Variants in NBAS observed in about 807,000 individuals in gnomAD.
NBAS encodes the protein NBAS subunit of NRZ tethering complex.
In NBAS, 219 loss-of-function variants were observed where a neutral mutation model predicts 302.5. The ratio of observed to expected loss-of-function variants is 0.72; its 90% confidence interval spans 0.65 to 0.81. The LOEUF (loss-of-function observed/expected upper bound fraction) is 0.81. Among genes scored for constraint, NBAS ranks in the 30% least tolerant of loss-of-function variants. The pLI, the probability that NBAS is intolerant of heterozygous loss-of-function variation, is 0.00. For synonymous variants in NBAS, 1,118 were observed against 1,021.6 expected, an observed-to-expected ratio of 1.09 and a Z score of -1.80; for missense variants, 2,932 against 2,841.6, an observed-to-expected ratio of 1.03 and a Z score of -0.72.
At chr2:15,402,537 A>C (rs1676205463) in intron 25 of NBAS, among the ~76,000 whole-genome samples, 2 of 148,530 alleles carry the variant, frequency 1.3e-5, no homozygotes, top group East Asian at 3.9e-4. Flanking sequence ...GTATCAGCTG[A>C]AAACAGATTC....
chr2:14,866,319 T>C, the NBAS span, among the ~76,000 whole-genome samples: 1 of 152,192 alleles, frequency 6.6e-6, no homozygotes, highest in Non-Finnish European at 1.5e-5. Context: ...CCAACCCATG[T>C]TCTCTAACCT....
chr2:15,175,936 C>T (rs894501792), intron 51 of NBAS, among the ~76,000 whole-genome samples: 1 of 152,160 alleles, frequency 6.6e-6, no homozygotes, highest in African/African-American at 2.4e-5. Flanking sequence ...CTTGGATCTG[C>T]ACACCATGCA....
intron 32 of NBAS, among the ~76,000 whole-genome samples, chr2:15,357,680 C>A (rs111902134): frequency 2.6e-5 from 4 of 152,252 alleles, no homozygotes; most frequent in African/African-American, 9.6e-5. Context: ...GGATCTCAAT[C>A]ACACAGATGA....
chr2:15,184,463 G>A (rs1485410238), intron 50 of NBAS, among the ~76,000 whole-genome samples: 1 of 151,738 alleles, frequency 6.6e-6, no homozygotes, highest in African/African-American at 2.4e-5. Context: ...CCACCGAGGG[G>A]CGATGGGCTA....
the NBAS span, among the ~76,000 whole-genome samples, chr2:15,017,789 A>G: frequency 6.6e-6 from 1 of 152,104 alleles, no homozygotes; most frequent in Non-Finnish European, 1.5e-5. Context: ...CTGTAGTTCC[A>G]CTACTGGGCA....
At position 15,511,304 on chromosome 2, in the gene NBAS, T is replaced by C. The variant is rs977117807; in HGVS notation, c.793A>G (p.Lys265Glu). ...GCAGAAAGGCCACAGCTAGAAGCTTTTGACATGCCTACTTCAGCAGTTTCA... is the reference window on the plus strand; with the variant it reads ...GCAGAAAGGCCACAGCTAGAAGCTTCTGACATGCCTACTTCAGCAGTTTCA... ...GCETAEVGMS[K>E]ASSCGLSAWR... Residue 265 changes from lysine to glutamate, a missense_variant, in exon 10 of 52, where the codon AAA (lysine) becomes GAA (glutamate). Coordinates refer to ENST00000281513, the MANE Select transcript of NBAS (RefSeq NM_015909.4). The C allele has an allele frequency of 1.9e-6, 3 of 1,614,116 alleles. 1 individual carries two copies. In the South Asian group the frequency reaches 3.3e-5, roughly 18 times the overall value.
the NBAS span, among the ~76,000 whole-genome samples, chr2:14,968,507 C>G: frequency 2.0e-5 from 3 of 152,080 alleles, no homozygotes; most frequent in Non-Finnish European, 4.4e-5. Context: ...GTGTGACCAC[C>G]ATGTGCTGTA....
intron 47 of NBAS, among the ~76,000 whole-genome samples, chr2:15,225,763 A>C (rs1022889612): frequency 1.6e-4 from 25 of 152,204 alleles, no homozygotes; most frequent in African/African-American, 6.0e-4. Context: ...ATTACCTGTT[A>C]TCTGAGTGAA....
chr2:15,149,113 G>A, the NBAS span, among the ~76,000 whole-genome samples: 5 of 152,296 alleles, frequency 3.3e-5, no homozygotes, highest in East Asian at 3.9e-4. Context: ...TCAATGTAAC[G>A]GTGTTGAGAG....
the NBAS span, among the ~76,000 whole-genome samples, chr2:15,011,487 G>C: frequency 6.6e-6 from 1 of 152,102 alleles, no homozygotes; most frequent in Admixed American, 6.6e-5. Context: ...ACAGACCCAT[G>C]GGCCATCCCT....
chr2:15,137,954 C>T, the NBAS span, among the ~76,000 whole-genome samples: 2 of 152,076 alleles, frequency 1.3e-5, no homozygotes, highest in African/African-American at 4.8e-5. Context: ...GGATTTTTTG[C>T]TTCTACTCAT....
chr2:15,404,906 T>G (rs1421146749), intron 25 of NBAS, among the ~76,000 whole-genome samples: 1 of 152,196 alleles, frequency 6.6e-6, no homozygotes, highest in Non-Finnish European at 1.5e-5. Context: ...AGTCCTTCAA[T>G]ATGAAAGGTA....
At chr2:15,477,240 T>C (rs968162853) in intron 13 of NBAS, among the ~76,000 whole-genome samples, 1 of 152,192 alleles carries the variant, frequency 6.6e-6, no homozygotes, top group African/African-American at 2.4e-5. Context: ...TCAATATTTT[T>C]AATCTTCTTT....
chr2:14,924,808 C>A, the NBAS span, among the ~76,000 whole-genome samples: 11 of 152,100 alleles, frequency 7.2e-5, no homozygotes, highest in Admixed American at 6.6e-4. Flanking sequence ...TTAAAATAAT[C>A]CCTCCCCCTA....
the NBAS span, among the ~76,000 whole-genome samples, chr2:15,072,378 G>T: frequency 6.6e-6 from 1 of 152,050 alleles, no homozygotes; most frequent in Non-Finnish European, 1.5e-5. Flanking sequence ...TTATTGATTG[G>T]TGTGAACATT....
chr2:15,091,331 T>C, the NBAS span, among the ~76,000 whole-genome samples: 8 of 124,836 alleles, frequency 6.4e-5, no homozygotes, highest in African/African-American at 2.4e-4. Flanking sequence ...GTGGATTTTC[T>C]TCCGCCTCTG....
chr2:15,345,292 T>C (rs1376659733), intron 35 of NBAS, among the ~76,000 whole-genome samples: 1 of 152,162 alleles, frequency 6.6e-6, no homozygotes, highest in Non-Finnish European at 1.5e-5. Context: ...CTTAAGCTGA[T>C]AAGCAACTTC....
In NBAS at chr2:15,292,578, T is replaced by C. The variant is rs1316691181; in HGVS notation, c.4986A>G (p.Ala1662=). Residue 1662 remains alanine, a synonymous_variant, in exon 41 of 52, where the codon GCA becomes GCG. Coordinates refer to ENST00000281513, the MANE Select transcript of NBAS (RefSeq NM_015909.4). ...RKGVDVQRFT[A]DDQYKRETIL... ...TAGTTTCCCTTTTATACTGGTCATC[T>C]GCAGTAAACCGCTGCACGTCCACAC... 1 of 1,614,252 alleles carries C rather than the reference T, an allele frequency of 6.2e-7. No homozygotes were observed. Among genetic ancestry groups the C allele is most frequent in the Admixed American group, 1.7e-5 (1 of 60,028 alleles).
At chr2:15,352,972 C>T (rs1029138499) in intron 34 of NBAS, among the ~76,000 whole-genome samples, 3 of 151,992 alleles carry the variant, frequency 2.0e-5, no homozygotes, top group African/African-American at 7.2e-5. Context: ...GTGTGGGGGC[C>T]CTCTCCCGTC....
Sources: allele counts gnomAD v4.1 joint callset (sites outside exome capture counted in the v4.1 genomes callset), GRCh38; gene constraint gnomAD v4.1.1; transcripts MANE v1.5; gene names NCBI Gene and HGNC (gene_info 2026-07-23, HGNC 2026-07-21).